STMN4: variants seen among roughly 807,000 people sequenced by gnomAD.
STMN4 encodes the protein stathmin-4.
Under a neutral mutation model 29.1 loss-of-function variants are expected in STMN4, and 12 were observed. The ratio of observed to expected loss-of-function variants is 0.41; its 90% CI spans 0.26 to 0.67. The LOEUF (loss-of-function observed/expected upper bound fraction) is 0.67. Among genes scored for constraint, STMN4 ranks in the 30% least tolerant of loss-of-function variants. The pLI is 0.30. For synonymous variants in STMN4, 114 were observed against 105.3 expected, an observed-to-expected ratio of 1.08 and a Z score of -0.51; for missense variants, 181 against 262.8, an observed-to-expected ratio of 0.69 and a Z score of 2.15.
At chr8:27,248,885 A>T (rs1316969726) in intron 1 of STMN4, among the ~76,000 whole-genome samples, 1 of 152,218 alleles carries the variant, frequency 6.6e-6, no homozygotes, top group East Asian at 1.9e-4. Context: ...CAGTCTGGGT[A>T]CAAAGTGTGG....
chr8:27,236,582 T>C lies in STMN4; in HGVS notation c.*264A>G, dbSNP rs981810405. Reference sequence around the variant, plus strand: ...ATCTGCGCCGGGCAGGGTTGCAATGTCCTTGAGTTCTTCTCCATCTCCCTT... The same window carrying C: ...ATCTGCGCCGGGCAGGGTTGCAATGCCCTTGAGTTCTTCTCCATCTCCCTT... On this transcript the variant is annotated 3_prime_UTR_variant, in exon 7 of 7. Coordinates refer to ENST00000350889, the MANE Select transcript of STMN4 (RefSeq NM_030795.4). 2.9e-6 allele frequency: 1 copy of C among 350,382 alleles called. No homozygotes were observed. Among genetic ancestry groups the C allele is most frequent in the Non-Finnish European group, 5.2e-6 (1 of 193,948 alleles). 21.7% of individuals were successfully genotyped at this position (350,382 alleles called of 1,614,324 possible).
chr8:27,253,464 C>T (rs1801850140), intron 1 of STMN4, among the ~76,000 whole-genome samples: 1 of 152,194 alleles, frequency 6.6e-6, no homozygotes, highest in South Asian at 2.1e-4. Flanking sequence ...TCTGGATTTT[C>T]AGTTCTGGAT....
chr8:27,251,243 A>T (rs993939619), intron 1 of STMN4, among the ~76,000 whole-genome samples: 10 of 151,200 alleles, frequency 6.6e-5, no homozygotes, highest in Non-Finnish European at 1.2e-4. Flanking sequence ...AAAGAGTGAG[A>T]CTTCATCTCA....
At chr8:27,242,184 G>A in intron 3 of STMN4, 4 of 592,078 alleles carry the variant, frequency 6.8e-6, no homozygotes, top group South Asian at 2.1e-5. Context: ...TCTGGGGGGC[G>A]CCTGATGCAG....
In STMN4 at chr8:27,258,384, C is replaced by A. The variant is rs1156720647; in HGVS notation, c.-112G>T. On this transcript the variant is annotated 5_prime_UTR_variant, in exon 1 of 7. In the 5' UTR this introduces an upstream ATG that the reference lacks. Transcript: ENST00000350889. The stretch of plus-strand genomic sequence containing the variant: ...CAGTTAGAAGCGAGCTGCTCTCTTC[C>A]TCACTCCCTCAATTAGTGGTACCCT... 1 of 152,246 alleles carries A rather than the reference C, an allele frequency of 6.6e-6. No individual in the cohort carries two copies. The highest frequency in any genetic ancestry group is 1.5e-5 in the Non-Finnish European group (1 of 68,056). 9.4% of individuals were successfully genotyped at this position (152,246 alleles called of 1,614,324 possible).
intron 2 of STMN4, 93 bp from the exon 3 acceptor site, chr8:27,242,585 TC>T: frequency 7.7e-7 from 1 of 1,304,310 alleles, no homozygotes; most frequent in Non-Finnish European, 1.1e-6. Flanking sequence ...AGCCCAGGGT[TC>T]CATAAAGGCA....
intron 5 of STMN4, 59 bp downstream of exon 5, chr8:27,240,995 T>G: frequency 6.5e-7 from 1 of 1,540,638 alleles, no homozygotes; most frequent in Non-Finnish European, 8.8e-7. Flanking sequence ...CCACCTGTCT[T>G]CTCCACCTCC....
chr8:27,248,650 T>C (rs1433579036), intron 1 of STMN4, among the ~76,000 whole-genome samples: 2 of 152,234 alleles, frequency 1.3e-5, no homozygotes, highest in Non-Finnish European at 2.9e-5. Context: ...GGCTGTTATC[T>C]CATTTTTCTA....
chr8:27,258,178 T>A (rs1801998528), intron 1 of STMN4, among the ~76,000 whole-genome samples, 173 bp downstream of exon 1: 1 of 152,164 alleles, frequency 6.6e-6, no homozygotes, highest in African/African-American at 2.4e-5. Flanking sequence ...CCGAGCGCCA[T>A]TCTTTCTGCC....
chr8:27,257,497 C>CACAG (rs1265878222), intron 1 of STMN4, among the ~76,000 whole-genome samples: 37 of 141,674 alleles, frequency 2.6e-4, no homozygotes, highest in Non-Finnish European at 4.4e-4. Flanking sequence ...CACACACACA[C>CACAG]ACACAGCATT....
chr8:27,255,816 G>T (rs947809129), intron 1 of STMN4, among the ~76,000 whole-genome samples: 1 of 152,140 alleles, frequency 6.6e-6, no homozygotes, highest in Admixed American at 6.5e-5. Context: ...GAACCAAAGT[G>T]AAATCTAGCT....
At chr8:27,253,650 A>C (rs529872160) in intron 1 of STMN4, among the ~76,000 whole-genome samples, 1 of 152,278 alleles carries the variant, frequency 6.6e-6, no homozygotes, top group African/African-American at 2.4e-5. Context: ...ATAACTAGAC[A>C]ATGGCTCTAA....
At chr8:27,248,217 CTATT>C (rs140800660) in intron 1 of STMN4, among the ~76,000 whole-genome samples, 10 of 151,940 alleles carry the variant, frequency 6.6e-5, no homozygotes, top group South Asian at 2.1e-4. Flanking sequence ...AGAGAGGACT[CTATT>C]TATTTATTTA....
intron 5 of STMN4, 86 bp from the exon 6 acceptor site, chr8:27,240,248 C>T (rs1268521565): frequency 7.0e-7 from 1 of 1,427,894 alleles, no homozygotes. Flanking sequence ...AAGCTGCACA[C>T]TCAGAACACT....
At chr8:27,242,320 G>A (rs1801498487) in intron 3 of STMN4, 77 bp downstream of exon 3, 1 of 1,375,290 alleles carries the variant, frequency 7.3e-7, no homozygotes, top group Non-Finnish European at 1.0e-6. Flanking sequence ...ACGGGACTGG[G>A]GTCGGGGTGC....
chr8:27,240,006 G>A lies in STMN4; in HGVS notation c.556C>T (p.His186Tyr). 1 of 1,614,190 alleles carries A rather than the reference G, an allele frequency of 6.2e-7. No individual in the cohort carries two copies. The highest frequency in any genetic ancestry group is 8.5e-7 in the Non-Finnish European group (1 of 1,180,018). The change falls in exon 6 of 7, where the codon CAC becomes TAC. Residue 186 changes from histidine (H) to tyrosine (Y), a missense_variant. His to Tyr is a moderately conservative substitution (Grantham distance 83, BLOSUM62 2). Coordinates refer to ENST00000350889, the MANE Select transcript of STMN4 (RefSeq NM_030795.4). ...AGCCGTTCCAACATGGCGGCGAGGT[G>A]GGCCTCCCTGTTCTCCTTGTTGGAT... ...MESNKENREAHLAAMLERLQE... is the reference protein window; with the variant it reads ...MESNKENREAYLAAMLERLQE...
At position 27,236,665 on chromosome 8, in the gene STMN4, G is replaced by A. The variant is rs1029703974; in HGVS notation, c.*181C>T. 8.3e-6 allele frequency: 4 copies of A among 480,200 alleles called. No homozygotes were observed. The highest frequency in any genetic ancestry group is 6.1e-5 in the African/African-American group (3 of 49,550). The allele number at this position is 480,200 out of a possible 1,614,324, so 29.7% of individuals were successfully genotyped here. On this transcript the variant is annotated 3_prime_UTR_variant, in exon 7 of 7. Transcript: ENST00000350889. ...CGTCATTGTTCCCCGGAAACAAATA[G>A]GATGGCTTCACTGGTCAATTCTTAA...
chr8:27,243,595 C>G lies in STMN4; in HGVS notation c.13+116G>C. ...AGCCTCCCATCACTACCTGCACCCC[C>G]CCACACACCCCGTGTGCTTCCTGCC... On this transcript the variant is annotated intron_variant, in intron 2 of 6. Coordinates refer to ENST00000350889, the MANE Select transcript of STMN4 (RefSeq NM_030795.4). 27 of 1,122,488 alleles carry G rather than the reference C, an allele frequency of 2.4e-5. No individual in the cohort carries two copies. In the South Asian group the frequency reaches 3.3e-4, roughly 14 times the overall value. The allele number at this position is 1,122,488 out of a possible 1,614,324, so 69.5% of individuals were successfully genotyped here.
At chr8:27,245,283 G>A (rs1419172742) in intron 1 of STMN4, among the ~76,000 whole-genome samples, 1 of 152,222 alleles carries the variant, frequency 6.6e-6, no homozygotes, top group South Asian at 2.1e-4. Context: ...GGTGCCACAT[G>A]CCTGCTTCAG....
Sources: allele counts gnomAD v4.1 joint callset (sites outside exome capture counted in the v4.1 genomes callset), GRCh38; gene constraint gnomAD v4.1.1; transcripts MANE v1.5; gene names NCBI Gene and HGNC (gene_info 2026-07-23, HGNC 2026-07-21).